Variants in TTLL11 observed in about 807,000 individuals in gnomAD.
TTLL11 encodes the protein tubulin tyrosine ligase like 11, also known as tubulin polyglutamylase TTLL11.
In TTLL11, 42 loss-of-function variants were observed where a neutral mutation model predicts 51.7. The observed-to-expected ratio is 0.81, with a 90% confidence interval of 0.64 to 1.05. TTLL11 has a LOEUF of 1.05. Ranked by LOEUF, TTLL11 falls within the 50% of genes least tolerant of loss-of-function variation. The pLI is 0.00. For synonymous variants in TTLL11, 381 were observed against 383.5 expected, an observed-to-expected ratio of 0.99 and a Z score of 0.08; for missense variants, 799 against 940.4, an observed-to-expected ratio of 0.85 and a Z score of 1.97.
At chr9:122,069,250 C>A (rs567806186) in intron 1 of TTLL11, among the ~76,000 whole-genome samples, 6 of 152,262 alleles carry the variant, frequency 3.9e-5, no homozygotes, top group East Asian at 3.9e-4. Context: ...ATGGTCCCTA[C>A]CTGTGCAGTG....
chr9:121,923,053 C>A (rs1356052647), intron 6 of TTLL11, among the ~76,000 whole-genome samples: 1 of 152,178 alleles, frequency 6.6e-6, no homozygotes, highest in Non-Finnish European at 1.5e-5. Flanking sequence ...GTGGCAAAGG[C>A]AACAATTATA....
chr9:121,825,721 A>T (rs896072430), intron 8 of TTLL11, among the ~76,000 whole-genome samples: 2 of 152,150 alleles, frequency 1.3e-5, no homozygotes, highest in Admixed American at 1.3e-4. Context: ...CCACACTTTG[A>T]ATGGCAAGGA....
intron 3 of TTLL11, among the ~76,000 whole-genome samples, chr9:122,018,258 G>A (rs890205188): frequency 4.6e-5 from 7 of 151,778 alleles, no homozygotes; most frequent in South Asian, 2.1e-4. Context: ...GACTACAGGC[G>A]CCCGCCACCA....
intron 6 of TTLL11, among the ~76,000 whole-genome samples, chr9:121,898,730 T>G (rs1339743591): frequency 6.6e-6 from 1 of 152,226 alleles, no homozygotes; most frequent in Non-Finnish European, 1.5e-5. Context: ...CACCACTCAC[T>G]GCAGCCTCAA....
At chr9:121,994,778 T>C (rs888179486) in intron 3 of TTLL11, among the ~76,000 whole-genome samples, 5 of 152,196 alleles carry the variant, frequency 3.3e-5, no homozygotes, top group Admixed American at 6.5e-5. Context: ...ATGTGTATTA[T>C]GGGATGATGC....
At chr9:121,909,377 T>C (rs900751407) in intron 6 of TTLL11, among the ~76,000 whole-genome samples, 4 of 152,050 alleles carry the variant, frequency 2.6e-5, no homozygotes, top group Admixed American at 6.5e-5. Context: ...ACATCTGGAG[T>C]CTACTGTTCT....
intron 6 of TTLL11, among the ~76,000 whole-genome samples, chr9:121,965,327 C>T (rs1842367660): frequency 6.6e-6 from 1 of 152,136 alleles, no homozygotes; most frequent in Admixed American, 6.5e-5. Flanking sequence ...GACTGGGAGG[C>T]CTCAGGAAAC....
intron 3 of TTLL11, among the ~76,000 whole-genome samples, chr9:121,992,720 C>G (rs1843149633): frequency 6.6e-6 from 1 of 152,162 alleles, no homozygotes; most frequent in Non-Finnish European, 1.5e-5. Context: ...ACACGGATGG[C>G]TGAAAGAGAT....
At chr9:122,001,179 G>A (rs56308440) in intron 3 of TTLL11, among the ~76,000 whole-genome samples, 7,129 of 152,176 alleles carry the variant, frequency 0.047, 200 homozygotes, top group African/African-American at 0.087. Context: ...CATTGCAACT[G>A]CGGCCTCCGA....
chr9:122,082,830 T>A (rs1846032579), intron 1 of TTLL11, among the ~76,000 whole-genome samples: 1 of 151,964 alleles, frequency 6.6e-6, no homozygotes, highest in African/African-American at 2.4e-5. Flanking sequence ...CCCAGGAGAC[T>A]AGCTTGGGCA....
At position 121,948,758 on chromosome 9, in the gene TTLL11, G is replaced by C. The variant is rs576303139; in HGVS notation, c.1481+25251C>G. On this transcript the variant is annotated intron_variant, in intron 6 of 8. Transcript: ENST00000321582. ...CTAGCTGCCAAGCATGTGCGCTGCAGAGTGGGTTAGACCATTCCTGAATGG... is the reference window on the plus strand; with the variant it reads ...CTAGCTGCCAAGCATGTGCGCTGCACAGTGGGTTAGACCATTCCTGAATGG... 4.9e-4 allele frequency among the ~76,000 whole-genome samples: 74 copies of C among 152,334 alleles called. 1 individual carries two copies. In the South Asian group the frequency reaches 0.015, roughly 31 times the overall value.
rs1845457024 is a variant in TTLL11 at position 122,062,274 on chromosome 9, G to T, written c.463-22906C>A. On this transcript the variant is annotated intron_variant, in intron 1 of 8. Coordinates refer to ENST00000321582, the MANE Select transcript of TTLL11 (RefSeq NM_001139442.2). ...CCACATCACACAGGGGCTCTTTTAA[G>T]AAGCCCTCTGGGGGAGTTTCTCCCA... 2.0e-5 allele frequency among the ~76,000 whole-genome samples: 3 copies of T among 152,072 alleles called. No individual in the cohort carries two copies. The South Asian group carries it at 6.2e-4, about 31-fold the overall frequency.
intron 8 of TTLL11, among the ~76,000 whole-genome samples, chr9:121,830,109 C>A (rs1836955718): frequency 6.8e-6 from 1 of 147,124 alleles, no homozygotes; most frequent in Admixed American, 6.6e-5. Context: ...AGAATGTGAA[C>A]CTTGTAACAG....
intron 3 of TTLL11, among the ~76,000 whole-genome samples, chr9:122,021,565 T>C (rs1246715109): frequency 6.6e-6 from 1 of 152,160 alleles, no homozygotes; most frequent in Non-Finnish European, 1.5e-5. Flanking sequence ...CATGGAGCAC[T>C]GGGTAGAGCA....
chr9:121,861,708 C>G (rs775552456), intron 7 of TTLL11, among the ~76,000 whole-genome samples: 1 of 152,086 alleles, frequency 6.6e-6, no homozygotes, highest in Non-Finnish European at 1.5e-5. Context: ...CTCAGATGAC[C>G]CAAGGATGAC....
At chr9:121,944,861 A>G (rs985986197) in intron 6 of TTLL11, among the ~76,000 whole-genome samples, 2 of 152,214 alleles carry the variant, frequency 1.3e-5, no homozygotes, top group Non-Finnish European at 2.9e-5. Flanking sequence ...TGAGAAATCG[A>G]CAAGATAATA....
chr9:121,919,930 T>C (rs923287446), intron 6 of TTLL11, among the ~76,000 whole-genome samples: 2 of 151,898 alleles, frequency 1.3e-5, no homozygotes, highest in African/African-American at 2.4e-5. Context: ...TAGCTAACAC[T>C]TTAATACTGT....
rs142531650 is a variant in TTLL11, at chr9:122,044,834, G to A, written c.463-5466C>T. ...ATAACTATTATCAAAAACAGGCTGG[G>A]CGAGGTGGCACACACCTGTAATCAC... On this transcript the variant is annotated intron_variant, in intron 1 of 8. Transcript: ENST00000321582. Among the ~76,000 whole-genome samples the A allele has an allele frequency of 2.1e-3, 325 of 152,250 alleles. 1 individual carries two copies. The highest frequency in any genetic ancestry group is 7.4e-3 in the African/African-American group (308 of 41,544).
At chr9:122,014,417 C>T (rs1843904712) in intron 3 of TTLL11, among the ~76,000 whole-genome samples, 1 of 152,136 alleles carries the variant, frequency 6.6e-6, no homozygotes, top group African/African-American at 2.4e-5. Flanking sequence ...CTCCTAACTC[C>T]AGTTCAGTGT....
Sources: allele counts gnomAD v4.1 joint callset (sites outside exome capture counted in the v4.1 genomes callset), GRCh38; gene constraint gnomAD v4.1.1; transcripts MANE v1.5; gene names NCBI Gene and HGNC (gene_info 2026-07-23, HGNC 2026-07-21).